LRRTM4: variants seen among roughly 807,000 people sequenced by gnomAD.
LRRTM4 encodes the protein leucine-rich repeat transmembrane neuronal protein 4.
In LRRTM4, 25 loss-of-function variants were observed where a neutral mutation model predicts 47.6. The observed-to-expected ratio is 0.53, with a 90% CI of 0.38 to 0.73. The LOEUF (loss-of-function observed/expected upper bound fraction) is 0.73, where lower values mean the gene tolerates loss of function less well. LRRTM4 is among the 30% of genes least tolerant of loss of function. The probability of loss-of-function intolerance (pLI) is 0.00; values close to 1 mark genes in which losing one functional copy is unlikely to be tolerated. For synonymous variants in LRRTM4, 311 were observed against 269.5 expected (o/e 1.15, Z -1.51); for missense variants, 638 against 713.4 (o/e 0.89, Z 1.20).
At chr2:76,814,887 G>A (rs1233443411) in intron 3 of LRRTM4, among the ~76,000 whole-genome samples, 3 of 151,690 alleles carry the variant, frequency 2.0e-5, no homozygotes, top group Non-Finnish European at 4.4e-5. Context: ...ATTATTAACT[G>A]CAATAAACTG....
intron 3 of LRRTM4, among the ~76,000 whole-genome samples, chr2:77,416,450 G>T (rs930685996): frequency 3.9e-5 from 6 of 152,062 alleles, no homozygotes; most frequent in Non-Finnish European, 8.8e-5. Context: ...ACATTTACTT[G>T]TAAGAGGTTT....
rs780083845 is a variant in LRRTM4, at chr2:77,465,500, C to A, written c.1551+52818G>T. On this transcript the variant is annotated intron_variant, in intron 3 of 3. Transcript: ENST00000409884. Reference sequence around the variant, plus strand: ...CGTGTTCTAGTCCCTCTACCAAGGACATTTGTATTTAAAAGCAAACATCAG... The same window carrying A: ...CGTGTTCTAGTCCCTCTACCAAGGAAATTTGTATTTAAAAGCAAACATCAG... 1.2e-4 allele frequency among the ~76,000 whole-genome samples: 18 copies of A among 152,170 alleles called. 1 individual carries two copies. The highest frequency in any genetic ancestry group is 2.4e-4 in the Non-Finnish European group (16 of 68,006).
At chr2:77,102,256 A>G (rs377734332) in intron 3 of LRRTM4, among the ~76,000 whole-genome samples, 139 of 152,292 alleles carry the variant, frequency 9.1e-4, no homozygotes, top group Non-Finnish European at 1.6e-3. Flanking sequence ...CTCTTTCCAC[A>G]GAAGTCTAAG....
chr2:76,808,310 A>G (rs966561198), intron 3 of LRRTM4, among the ~76,000 whole-genome samples: 2 of 151,998 alleles, frequency 1.3e-5, no homozygotes, highest in Non-Finnish European at 2.9e-5. Flanking sequence ...CAGCTGGCCT[A>G]TTTTCATTAT....
chr2:76,764,018 T>C (rs1244755114), intron 3 of LRRTM4, among the ~76,000 whole-genome samples: 3 of 152,152 alleles, frequency 2.0e-5, no homozygotes, highest in Non-Finnish European at 2.9e-5. Flanking sequence ...CTGGAGTCTT[T>C]GTAAAAAGAA....
intron 3 of LRRTM4, among the ~76,000 whole-genome samples, chr2:77,189,259 A>G (rs1673597491): frequency 1.3e-5 from 2 of 152,228 alleles, no homozygotes; most frequent in Admixed American, 6.5e-5. Context: ...TCAAGTCAAG[A>G]CATTGTCTAT....
At position 77,430,619 on chromosome 2, in the gene LRRTM4, G is replaced by T. The variant is rs528797750; in HGVS notation, c.1551+87699C>A. 1.1e-4 allele frequency among the ~76,000 whole-genome samples: 16 copies of T among 149,178 alleles called. 1 individual carries two copies. The highest frequency in any genetic ancestry group is 8.3e-4 in the South Asian group (4 of 4,810). ...GCCTGTAATCCCAGCTACTTGGGAG[G>T]CTGAGGCAGGAGAATCACTTGAACC... On this transcript the variant is annotated intron_variant, in intron 3 of 3. Coordinates refer to ENST00000409884, the MANE Select transcript of LRRTM4 (RefSeq NM_001134745.3).
intron 3 of LRRTM4, among the ~76,000 whole-genome samples, chr2:76,873,506 G>GTGTA (rs367573475): frequency 0.016 from 1,746 of 112,296 alleles, 60 homozygotes; most frequent in African/African-American, 0.054. Context: ...ATATATGTGT[G>GTGTA]TATATATATA....
At chr2:76,905,104 A>G (rs565847201) in intron 3 of LRRTM4, among the ~76,000 whole-genome samples, 2 of 152,244 alleles carry the variant, frequency 1.3e-5, no homozygotes, top group South Asian at 2.1e-4. Flanking sequence ...ACCCCCCAGT[A>G]GGGGCAGACT....
At position 77,087,496 on chromosome 2, in the gene LRRTM4, A is replaced by G. The variant is rs979292049; in HGVS notation, c.1552-338580T>C. Among the ~76,000 whole-genome samples, 13 of 152,370 alleles carry G rather than the reference A, an allele frequency of 8.5e-5. 1 individual carries two copies. The highest frequency in any genetic ancestry group is 3.1e-4 in the African/African-American group (13 of 41,598). On this transcript the variant is annotated intron_variant, in intron 3 of 3. Coordinates refer to ENST00000409884, the MANE Select transcript of LRRTM4 (RefSeq NM_001134745.3). ...TAGTAACCCAGAACACCTGGCTGAA[A>G]GCCCAAATGTACTCAAGGTACAGAC... is the stretch of plus-strand genomic sequence containing the variant.
intron 3 of LRRTM4, among the ~76,000 whole-genome samples, chr2:77,015,550 T>A (rs1026716634): frequency 6.6e-6 from 1 of 151,894 alleles, no homozygotes; most frequent in Non-Finnish European, 1.5e-5. Context: ...GGTCTCGAAC[T>A]CCTGACCTTG....
intron 3 of LRRTM4, among the ~76,000 whole-genome samples, chr2:76,797,621 A>T (rs1675413521): frequency 1.3e-5 from 2 of 151,622 alleles, no homozygotes; most frequent in African/African-American, 4.8e-5. Context: ...AACAATATTA[A>T]CTTTAAATGT....
intron 3 of LRRTM4, among the ~76,000 whole-genome samples, chr2:76,995,905 G>GA (rs2104006796): frequency 6.6e-6 from 1 of 152,070 alleles, no homozygotes; most frequent in South Asian, 2.1e-4. Context: ...AAAGCACAGA[G>GA]AAAAAAACTA....
At chr2:76,858,576 C>T (rs1313742622) in intron 3 of LRRTM4, among the ~76,000 whole-genome samples, 1 of 152,066 alleles carries the variant, frequency 6.6e-6, no homozygotes, top group African/African-American at 2.4e-5. Context: ...GGGTACTGTA[C>T]TATTCTGCAG....
intron 3 of LRRTM4, among the ~76,000 whole-genome samples, chr2:76,778,598 G>A (rs1015104315): frequency 1.1e-4 from 17 of 151,992 alleles, no homozygotes; most frequent in Non-Finnish European, 1.6e-4. Flanking sequence ...TGTGGGATCG[G>A]TGGTGATATC....
At chr2:77,404,806 G>A (rs921736392) in intron 3 of LRRTM4, among the ~76,000 whole-genome samples, 8 of 152,020 alleles carry the variant, frequency 5.3e-5, no homozygotes, top group Non-Finnish European at 1.0e-4. Flanking sequence ...TCACAGGAGT[G>A]GTGGGAAAGC....
chr2:77,157,311 C>T (rs1672586279), intron 3 of LRRTM4, among the ~76,000 whole-genome samples: 1 of 152,066 alleles, frequency 6.6e-6, no homozygotes, highest in Non-Finnish European at 1.5e-5. Context: ...ATCATCATAT[C>T]AGTAAGGTGT....
At chr2:77,156,707 CTTTT>C (rs550760078) in intron 3 of LRRTM4, among the ~76,000 whole-genome samples, 2 of 136,160 alleles carry the variant, frequency 1.5e-5, no homozygotes, top group Non-Finnish European at 1.6e-5. Context: ...GAGCCTTCAA[CTTTT>C]TTTTTTTTTT....
intron 3 of LRRTM4, among the ~76,000 whole-genome samples, chr2:76,992,422 A>C (rs1323378604): frequency 1.3e-5 from 2 of 151,784 alleles, no homozygotes; most frequent in Non-Finnish European, 2.9e-5. Context: ...TTGATAAACC[A>C]TTTTATTAAA....
Sources: gnomAD v4.1 joint callset for allele counts (sites outside exome capture counted in the v4.1 genomes callset) on GRCh38, gnomAD v4.1.1 for gene constraint, MANE v1.5 for transcripts, NCBI Gene and HGNC (gene_info 2026-07-23, HGNC 2026-07-21) for gene names.